PTPRD: variants seen among roughly 807,000 people sequenced by gnomAD.
PTPRD encodes protein tyrosine phosphatase receptor type D.
A neutral mutation model predicts 214.5 loss-of-function variants in PTPRD; 34 were observed. That is an observed-to-expected ratio of 0.16 (90% CI 0.12 to 0.21). PTPRD has a LOEUF of 0.21. Among genes scored for constraint, PTPRD ranks in the 10% least tolerant of loss-of-function variants. The probability of loss-of-function intolerance (pLI) is 1.00; values close to 1 mark genes in which losing one functional copy is unlikely to be tolerated. For synonymous variants in PTPRD, 1,128 were observed against 845.7 expected (o/e 1.33, Z -5.79); for missense variants, 2,545 against 2,398.7 (o/e 1.06, Z -1.27).
intron 8 of PTPRD, among the ~76,000 whole-genome samples, chr9:9,429,666 A>G (rs893400445): frequency 1.3e-5 from 2 of 152,200 alleles, no homozygotes; most frequent in Non-Finnish European, 2.9e-5. Flanking sequence ...CATACTGGCA[A>G]ACCGAATCCA....
Position 10,060,820 on chromosome 9 carries a change from CT to C in PTPRD, c.-544-27031del, listed in dbSNP as rs1567404009. On this transcript the variant is annotated intron_variant, in intron 3 of 45. Transcript: ENST00000381196. ...TCTTTCTTCCTTTCTTTCTTTCTTT[CT>C]TTCTTTCTTCCTTCCTTCCTTCCTT... Among the ~76,000 whole-genome samples, 113 of 126,596 alleles carry C rather than the reference CT, an allele frequency of 8.9e-4. 8 individuals carry two copies. Among genetic ancestry groups the C allele is most frequent in the South Asian group, 3.4e-3 (15 of 4,476 alleles). 83.1% of individuals were successfully genotyped at this position (126,596 alleles called of 152,430 possible).
At chr9:9,459,764 AC>A (rs1288171999) in intron 8 of PTPRD, among the ~76,000 whole-genome samples, 1 of 152,122 alleles carries the variant, frequency 6.6e-6, no homozygotes, top group Non-Finnish European at 1.5e-5. Flanking sequence ...AAATGACCCT[AC>A]TTTCTTAAGC....
intron 12 of PTPRD, among the ~76,000 whole-genome samples, chr9:8,640,909 G>A (rs951457836): frequency 2.3e-5 from 3 of 133,254 alleles, no homozygotes; most frequent in Admixed American, 2.1e-4. Flanking sequence ...CATTTTTGCT[G>A]GTCAAACTCT....
chr9:9,734,232 C>T (rs1240052159), intron 7 of PTPRD, among the ~76,000 whole-genome samples: 4 of 152,088 alleles, frequency 2.6e-5, no homozygotes, highest in Non-Finnish European at 5.9e-5. Context: ...ATCCTCTGTC[C>T]TATCACGAAC....
intron 10 of PTPRD, among the ~76,000 whole-genome samples, chr9:9,122,847 A>C (rs750829104): frequency 1.1e-4 from 16 of 152,232 alleles, no homozygotes; most frequent in Non-Finnish European, 1.2e-4. Flanking sequence ...TAAACAGTAC[A>C]AACCCAATCC....
At chr9:9,170,628 C>T (rs941340028) in intron 10 of PTPRD, among the ~76,000 whole-genome samples, 2 of 152,148 alleles carry the variant, frequency 1.3e-5, no homozygotes, top group East Asian at 3.9e-4. Flanking sequence ...CAATGGAAGG[C>T]AAGAAGCAGT....
At chr9:9,001,933 G>C (rs2099421465) in intron 11 of PTPRD, among the ~76,000 whole-genome samples, 3 of 148,326 alleles carry the variant, frequency 2.0e-5, no homozygotes, top group African/African-American at 7.5e-5. Context: ...CTGCCCACCT[G>C]GCTTCCAATA....
chr9:8,378,025 A>G (rs2083785231), intron 37 of PTPRD, among the ~76,000 whole-genome samples: 1 of 152,088 alleles, frequency 6.6e-6, no homozygotes, highest in Admixed American at 6.6e-5. Context: ...ATAGCTATAC[A>G]GTAAGCTAGA....
In PTPRD at chr9:10,144,503, T is replaced by A. The variant is rs534421865; in HGVS notation, c.-544-110713A>T. 3.1e-4 allele frequency among the ~76,000 whole-genome samples: 47 copies of A among 152,196 alleles called. 1 individual carries two copies. The highest frequency in any genetic ancestry group is 3.3e-4 in the Admixed American group (5 of 15,238). On this transcript the variant is annotated intron_variant, in intron 3 of 45. Coordinates refer to ENST00000381196, the MANE Select transcript of PTPRD (RefSeq NM_002839.4). ...GGATGAATATAAAAGGCAACCCACA[T>A]TGTCTAAAAATAGACCTCAGTCCAC...
At chr9:10,031,112 G>T (rs181871466) in intron 4 of PTPRD, among the ~76,000 whole-genome samples, 2 of 152,136 alleles carry the variant, frequency 1.3e-5, no homozygotes, top group African/African-American at 4.8e-5. Flanking sequence ...GTAGCGCCAG[G>T]TAGTAATTTT....
intron 11 of PTPRD, among the ~76,000 whole-genome samples, chr9:8,960,878 G>A (rs532923422): frequency 6.6e-6 from 1 of 152,174 alleles, no homozygotes; most frequent in South Asian, 2.1e-4. Context: ...AAAGCACTTA[G>A]AAAATTCCAA....
At chr9:9,919,349 C>T (rs2153860782) in intron 5 of PTPRD, among the ~76,000 whole-genome samples, 1 of 152,208 alleles carries the variant, frequency 6.6e-6, no homozygotes, top group Admixed American at 6.5e-5. Context: ...TCAACCCAGT[C>T]TCTCTTTGGG....
At chr9:9,036,997 G>A (rs563600743) in intron 10 of PTPRD, among the ~76,000 whole-genome samples, 3 of 152,216 alleles carry the variant, frequency 2.0e-5, no homozygotes, top group Non-Finnish European at 2.9e-5. Flanking sequence ...GCACAAAAAC[G>A]TATGCTTCCA....
intron 3 of PTPRD, among the ~76,000 whole-genome samples, chr9:10,123,783 C>T (rs1328364444): frequency 6.6e-6 from 1 of 152,132 alleles, no homozygotes; most frequent in Non-Finnish European, 1.5e-5. Flanking sequence ...GCATTATTGC[C>T]AGTACTGTGT....
chr9:8,320,584 A>T (rs1008667531), intron 44 of PTPRD, among the ~76,000 whole-genome samples: 8 of 152,028 alleles, frequency 5.3e-5, no homozygotes, highest in Admixed American at 2.0e-4. Flanking sequence ...ACATGAAGTA[A>T]ATACTATGTT....
At chr9:8,525,437 G>A (rs1326524323) in intron 17 of PTPRD, among the ~76,000 whole-genome samples, 5 of 151,744 alleles carry the variant, frequency 3.3e-5, no homozygotes, top group South Asian at 2.1e-4. Flanking sequence ...AGATAGGTAC[G>A]CTCAAAAAAA....
At chr9:10,012,263 A>C (rs1223732982) in intron 4 of PTPRD, among the ~76,000 whole-genome samples, 2 of 151,930 alleles carry the variant, frequency 1.3e-5, no homozygotes, top group African/African-American at 4.8e-5. Context: ...TGAGGTTTTA[A>C]TCACAAGATG....
At chr9:9,659,811 G>A (rs1185720607) in intron 7 of PTPRD, among the ~76,000 whole-genome samples, 2 of 151,922 alleles carry the variant, frequency 1.3e-5, no homozygotes, top group African/African-American at 2.4e-5. Context: ...AAATTGGGAC[G>A]TTCCCAATAA....
At chr9:8,322,314 A>G (rs1425946273) in intron 44 of PTPRD, among the ~76,000 whole-genome samples, 1 of 152,206 alleles carries the variant, frequency 6.6e-6, no homozygotes, top group African/African-American at 2.4e-5. Flanking sequence ...CTTAAAGCCC[A>G]GATGTGCTGA....
Sources: gnomAD v4.1 joint callset for allele counts (sites outside exome capture counted in the v4.1 genomes callset) on GRCh38, gnomAD v4.1.1 for gene constraint, MANE v1.5 for transcripts, NCBI Gene and HGNC (gene_info 2026-07-23, HGNC 2026-07-21) for gene names.